HEMK2: variants seen among roughly 807,000 people sequenced by gnomAD.
HEMK2 encodes HemK methyltransferase 2, ETF1 glutamine and histone H4 lysine, also known as methyltransferase HEMK2.
the HEMK2 span, among the ~76,000 whole-genome samples, chr21:28,816,039 T>C: frequency 6.6e-6 from 1 of 152,116 alleles, no homozygotes; most frequent in Non-Finnish European, 1.5e-5. Context: ...ACCAGACAAG[T>C]GCACACCCAG....
the HEMK2 span, among the ~76,000 whole-genome samples, chr21:28,640,094 C>T: frequency 6.6e-6 from 1 of 152,094 alleles, no homozygotes; most frequent in Non-Finnish European, 1.5e-5. Flanking sequence ...GTCTCTGGCA[C>T]ATGGAAAATA....
the HEMK2 span, among the ~76,000 whole-genome samples, chr21:28,639,681 A>G: frequency 6.6e-6 from 1 of 152,238 alleles, no homozygotes; most frequent in Admixed American, 6.5e-5. Context: ...TGACTAGTAT[A>G]CATACTTTTA....
At chr21:28,607,485 T>C in the HEMK2 span, among the ~76,000 whole-genome samples, 2 of 152,196 alleles carry the variant, frequency 1.3e-5, no homozygotes, top group Non-Finnish European at 2.9e-5. Flanking sequence ...ACTGGCGTCA[T>C]CATTGCAGGC....
the HEMK2 span, among the ~76,000 whole-genome samples, chr21:28,717,655 T>C: frequency 6.6e-6 from 1 of 151,944 alleles, no homozygotes; most frequent in Non-Finnish European, 1.5e-5. Context: ...AATTTTTGTA[T>C]TTTTAGTAGA....
At chr21:28,710,722 A>C in the HEMK2 span, among the ~76,000 whole-genome samples, 3 of 152,220 alleles carry the variant, frequency 2.0e-5, no homozygotes, top group Admixed American at 2.0e-4. Context: ...GATGGAAAGA[A>C]AAGGATCAGT....
the HEMK2 span, chr21:28,577,425 A>T: frequency 6.6e-6 from 1 of 152,250 alleles, no homozygotes; most frequent in Non-Finnish European, 1.5e-5. Context: ...CATGAAAAAG[A>T]CAAAAACATA....
chr21:28,601,071 T>C, the HEMK2 span, among the ~76,000 whole-genome samples: 1 of 152,220 alleles, frequency 6.6e-6, no homozygotes, highest in African/African-American at 2.4e-5. Context: ...TCAACTCTGG[T>C]TCAAAATACC....
the HEMK2 span, among the ~76,000 whole-genome samples, chr21:28,651,248 T>C: frequency 6.6e-6 from 1 of 152,196 alleles, no homozygotes; most frequent in East Asian, 1.9e-4. Context: ...AGTATTCCTT[T>C]TCCCCCCAGA....
chr21:28,680,663 G>A, the HEMK2 span, among the ~76,000 whole-genome samples: 1 of 152,140 alleles, frequency 6.6e-6, no homozygotes, highest in Non-Finnish European at 1.5e-5. Flanking sequence ...TAAAATACTG[G>A]CAAACCGAAT....
the HEMK2 span, among the ~76,000 whole-genome samples, chr21:28,877,242 A>G: frequency 7.5e-6 from 1 of 133,640 alleles, no homozygotes; most frequent in African/African-American, 2.8e-5. Flanking sequence ...AAAGGAAGGG[A>G]AGGGAAGGGA....
the HEMK2 span, among the ~76,000 whole-genome samples, chr21:28,795,513 C>G: frequency 2.6e-5 from 4 of 152,204 alleles, no homozygotes; most frequent in African/African-American, 9.7e-5. Flanking sequence ...ATCTCTTTAT[C>G]TGCAATACCT....
At chr21:28,642,752 A>G in the HEMK2 span, among the ~76,000 whole-genome samples, 2 of 152,352 alleles carry the variant, frequency 1.3e-5, no homozygotes. Flanking sequence ...CGCACCATCC[A>G]AAGTTAGCTG....
the HEMK2 span, among the ~76,000 whole-genome samples, chr21:28,685,119 C>T: frequency 2.6e-5 from 4 of 151,942 alleles, no homozygotes; most frequent in Non-Finnish European, 5.9e-5. Context: ...AATAGGGAAT[C>T]GGTTCATGTG....
the HEMK2 span, among the ~76,000 whole-genome samples, chr21:28,665,334 C>CT: frequency 0.073 from 2,657 of 36,638 alleles, 212 homozygotes; most frequent in East Asian, 0.16. Context: ...ATTTATATTT[C>CT]TTTTTTTTTT....
At chr21:28,701,161 A>G in the HEMK2 span, among the ~76,000 whole-genome samples, 1 of 152,204 alleles carries the variant, frequency 6.6e-6, no homozygotes, top group South Asian at 2.1e-4. Flanking sequence ...AGTAACAGCC[A>G]TCTATGACAA....
the HEMK2 span, among the ~76,000 whole-genome samples, chr21:28,772,770 C>T: frequency 6.6e-6 from 1 of 152,114 alleles, no homozygotes; most frequent in Admixed American, 6.6e-5. Flanking sequence ...AAATGTGCTT[C>T]TCTGCTCCCA....
At chr21:28,746,760 A>G in the HEMK2 span, among the ~76,000 whole-genome samples, 2 of 152,010 alleles carry the variant, frequency 1.3e-5, no homozygotes, top group South Asian at 4.1e-4. Context: ...GAAGGGAAGC[A>G]TTTCAACATA....
the HEMK2 span, among the ~76,000 whole-genome samples, chr21:28,883,434 T>C: frequency 1.1e-4 from 16 of 152,300 alleles, no homozygotes; most frequent in Admixed American, 9.8e-4. Flanking sequence ...AGCTTAGTAT[T>C]TCCTAAAATA....
the HEMK2 span, among the ~76,000 whole-genome samples, chr21:28,781,999 C>CT: frequency 6.6e-6 from 1 of 152,190 alleles, no homozygotes; most frequent in Non-Finnish European, 1.5e-5. Flanking sequence ...TGAGCTGATC[C>CT]TTTACTATAC....
Sources: allele counts gnomAD v4.1 joint callset (sites outside exome capture counted in the v4.1 genomes callset), GRCh38; gene constraint gnomAD v4.1.1; transcripts MANE v1.5; gene names NCBI Gene and HGNC (gene_info 2026-07-23, HGNC 2026-07-21).